The following SLC38A8 variants were observed in gnomAD, a reference collection of about 807,000 sequenced individuals.
The protein encoded by SLC38A8 is solute carrier family 38 member 8.
SLC38A8 carries 65 observed loss-of-function variants against 46.0 expected under a neutral mutation model. The observed-to-expected ratio is 1.41, with a 90% CI of 1.16 to 1.74. SLC38A8 has a LOEUF of 1.74. Among genes scored for constraint, SLC38A8 ranks in the 40% most tolerant of loss-of-function variants. The pLI is 0.00. For missense variants in SLC38A8, 998 were observed against 567.9 expected, an observed-to-expected ratio of 1.76 and a Z score of -7.70; for synonymous variants, 447 against 243.7, an observed-to-expected ratio of 1.83 and a Z score of -7.77.
intron 9 of SLC38A8, among the ~76,000 whole-genome samples, chr16:84,014,751 G>A (rs1344108384): frequency 6.6e-6 from 1 of 152,200 alleles, no homozygotes; most frequent in Non-Finnish European, 1.5e-5. Flanking sequence ...ATTCTCAAGG[G>A]ACTACATCAA....
In SLC38A8 at chr16:84,017,266, A is replaced by T; in HGVS notation, c.827T>A (p.Phe276Tyr). 1 of 1,614,128 alleles carries T rather than the reference A, an allele frequency of 6.2e-7. No homozygotes were observed. Among genetic ancestry groups the T allele is most frequent in the Non-Finnish European group, 8.5e-7 (1 of 1,180,024 alleles). ...SLTGVYGFLT[F>Y]GTEVSADVLM... Reference sequence around the variant, plus strand: ...GACGTCAGCAGAAACTTCTGTCCCAAAAGTCAGGAAGCCATAAACCCCTGA... The same window carrying T: ...GACGTCAGCAGAAACTTCTGTCCCATAAGTCAGGAAGCCATAAACCCCTGA... Residue 276 changes from phenylalanine (F) to tyrosine (Y), a missense_variant, in exon 8 of 11, where the codon TTT becomes TAT. Phe to Tyr is a conservative substitution (Grantham distance 22). Coordinates refer to ENST00000299709, the MANE Select transcript of SLC38A8 (RefSeq NM_001080442.3).
intron 9 of SLC38A8, among the ~76,000 whole-genome samples, chr16:84,015,400 G>T (rs562993040): frequency 2.0e-5 from 3 of 152,220 alleles, no homozygotes; most frequent in Admixed American, 6.5e-5. Flanking sequence ...TGCCTCCAGG[G>T]CCTGGAGGCA....
intron 6 of SLC38A8, among the ~76,000 whole-genome samples, chr16:84,026,783 G>A (rs971892424): frequency 1.5e-4 from 23 of 152,320 alleles, no homozygotes; most frequent in Admixed American, 5.2e-4. Context: ...GGGGAGGGAA[G>A]CCTGTCTTAA....
rs2151124896 is a variant in SLC38A8, at chr16:84,031,877, GA to G, written c.621del (p.Pro208LeufsTer3). The G allele has an allele frequency of 1.2e-6, 2 of 1,614,026 alleles. No individual in the cohort carries two copies. The highest frequency in any genetic ancestry group is 4.5e-5 in the East Asian group (2 of 44,886). The stretch of plus-strand genomic sequence containing the variant: ...TTCCCTCAGACTTACCTCAGTGAAG[GA>G]TGGGACTCACGCACGAGGCCCTGGG... Reference protein sequence around the residue: ...LWPQGLVRESHPSLSPASWTS... With the variant: ...LWPQGLVRESXPSLSPASWTS... On this transcript the variant is annotated frameshift_variant, in exon 5 of 11. Transcript: ENST00000299709. LOFTEE classifies it high-confidence loss of function.
intron 6 of SLC38A8, among the ~76,000 whole-genome samples, chr16:84,023,600 A>G (rs887181514): frequency 5.9e-5 from 9 of 152,334 alleles, no homozygotes; most frequent in Admixed American, 4.6e-4. Context: ...ACACCACAGG[A>G]AGCCACATAG....
intron 6 of SLC38A8, among the ~76,000 whole-genome samples, chr16:84,028,157 G>T (rs932466259): frequency 6.6e-6 from 1 of 151,934 alleles, no homozygotes; most frequent in Non-Finnish European, 1.5e-5. Flanking sequence ...CTACAAAGCT[G>T]AGATCCGGTG....
chr16:84,024,572 G>C (rs956568992), intron 6 of SLC38A8, among the ~76,000 whole-genome samples: 3 of 151,968 alleles, frequency 2.0e-5, no homozygotes, highest in Non-Finnish European at 2.9e-5. Context: ...CCTGAGGTCT[G>C]GAGTTCGAGA....
In SLC38A8 at chr16:84,032,007, A is replaced by G. The variant is rs1427317812; in HGVS notation, c.531-39T>C. 1.9e-6 allele frequency: 3 copies of G among 1,562,412 alleles called. No homozygotes were observed. In the South Asian group the frequency reaches 3.3e-5, roughly 17 times the overall value. ...CGTGTGAGGGGCTGCGCAGTGGGTGACATGTGCGGTTGATGCACGGGGACA... is the reference window on the plus strand; with the variant it reads ...CGTGTGAGGGGCTGCGCAGTGGGTGGCATGTGCGGTTGATGCACGGGGACA... On this transcript the variant is annotated intron_variant, in intron 4 of 10. Coordinates refer to ENST00000299709, the MANE Select transcript of SLC38A8 (RefSeq NM_001080442.3).
At chr16:84,029,819 G>A (rs562306795) in intron 5 of SLC38A8, among the ~76,000 whole-genome samples, 5 of 152,302 alleles carry the variant, frequency 3.3e-5, no homozygotes, top group Middle Eastern at 3.4e-3. Flanking sequence ...ACCGCAGTAG[G>A]AACTCCCAAC....
chr16:84,039,027 C>A (rs2085335866), intron 2 of SLC38A8, among the ~76,000 whole-genome samples: 1 of 152,136 alleles, frequency 6.6e-6, no homozygotes, highest in Admixed American at 6.5e-5. Flanking sequence ...CATTAAGGAT[C>A]TTGAGGTGAG....
Position 84,041,706 on chromosome 16 carries a change from C to G in SLC38A8, c.189+263G>C, listed in dbSNP as rs184322704. On this transcript the variant is annotated intron_variant, in intron 2 of 10. Transcript: ENST00000299709. ...GGTTCCTTCCCAGGTGAAATGCCCACTTCACAGACAGAGCTGCGATGCCTG... is the reference window on the plus strand; with the variant it reads ...GGTTCCTTCCCAGGTGAAATGCCCAGTTCACAGACAGAGCTGCGATGCCTG... 3.5e-3 allele frequency among the ~76,000 whole-genome samples: 532 copies of G among 152,322 alleles called. 2 individuals are homozygous for G. Among genetic ancestry groups the G allele is most frequent in the African/African-American group, 0.012 (489 of 41,556 alleles).
Position 84,033,349 on chromosome 16 carries a change from A to T in SLC38A8, c.509T>A (p.Ile170Asn). 4 of 1,613,892 alleles carry T rather than the reference A, an allele frequency of 2.5e-6. No individual in the cohort carries two copies. The highest frequency in any genetic ancestry group is 3.4e-6 in the Non-Finnish European group (4 of 1,180,002). The change falls in exon 4 of 11, where the codon ATC becomes AAC. Residue 170 changes from isoleucine to asparagine, a missense_variant. Coordinates refer to ENST00000299709, the MANE Select transcript of SLC38A8 (RefSeq NM_001080442.3). ...TTACCTTGTGTATTTCTGGAAGGCG[A>T]TCTCCCGCGGGGCAGACAGGGGCAG... ...VILPLSAPRE[I>N]AFQKYTSILG...
Position 84,016,610 on chromosome 16 carries a change from CACGGTG to C in SLC38A8, c.1065_1070del (p.Val357_Thr358del). 2 of 1,613,978 alleles carry C rather than the reference CACGGTG, an allele frequency of 1.2e-6. No individual in the cohort carries two copies. Among genetic ancestry groups the C allele is most frequent in the Non-Finnish European group, 1.7e-6 (2 of 1,180,038 alleles). On this transcript the variant is annotated inframe_deletion, in exon 9 of 11. Transcript: ENST00000299709. Reference sequence around the variant, plus strand: ...GCATAAACAGCGCCATGGCGAGCGTCACGGTGACCCACAGGATGGTCAGCGGCATCC... The same window carrying C: ...GCATAAACAGCGCCATGGCGAGCGTCACCCACAGGATGGTCAGCGGCATCC...
intron 2 of SLC38A8, among the ~76,000 whole-genome samples, chr16:84,038,121 G>A (rs1441358804): frequency 6.6e-6 from 1 of 151,994 alleles, no homozygotes; most frequent in African/African-American, 2.4e-5. Context: ...GACCAGCCTG[G>A]CCAACATGAT....
chr16:84,011,911 G>A (rs562029917), intron 10 of SLC38A8, among the ~76,000 whole-genome samples: 3 of 152,186 alleles, frequency 2.0e-5, no homozygotes, highest in East Asian at 1.9e-4. Flanking sequence ...AAAGCAGAGG[G>A]ATTTCTGAGA....
intron 6 of SLC38A8, among the ~76,000 whole-genome samples, chr16:84,024,242 C>A (rs1209302566): frequency 6.6e-6 from 1 of 152,190 alleles, no homozygotes; most frequent in Non-Finnish European, 1.5e-5. Context: ...GTGCTACTGA[C>A]CAGAAAAGGT....
At position 84,009,836 on chromosome 16, in the gene SLC38A8, C is replaced by T. The variant is rs2084934040; in HGVS notation, c.1256G>A (p.Gly419Asp). Residue 419 changes from glycine to aspartate, a missense_variant, in exon 11 of 11, where the codon GGC (glycine) becomes GAC (aspartate). Gly to Asp is a moderately conservative substitution (Grantham distance 94). Coordinates refer to ENST00000299709, the MANE Select transcript of SLC38A8 (RefSeq NM_001080442.3). Reference sequence around the variant, plus strand: ...CGTGCTCTGCCCAAAGATGAAGGTGCCGACCAGCACAGAGACCACTCCCCA... The same window carrying T: ...CGTGCTCTGCCCAAAGATGAAGGTGTCGACCAGCACAGAGACCACTCCCCA... ...EVWGVVSVLV[G>D]TFIFGQSTAA... 1.2e-5 allele frequency: 19 copies of T among 1,614,058 alleles called. No homozygotes were observed. Among genetic ancestry groups the T allele is most frequent in the Non-Finnish European group, 1.6e-5 (19 of 1,179,998 alleles).
chr16:84,029,235 G>T (rs1233698907), intron 6 of SLC38A8, among the ~76,000 whole-genome samples: 1 of 152,152 alleles, frequency 6.6e-6, no homozygotes, highest in African/African-American at 2.4e-5. Context: ...AAAAAACATG[G>T]TGCTGCTTTT....
At chr16:84,025,762 T>C (rs2085156574) in intron 6 of SLC38A8, among the ~76,000 whole-genome samples, 2 of 152,190 alleles carry the variant, frequency 1.3e-5, no homozygotes, top group African/African-American at 4.8e-5. Flanking sequence ...ATTCTGGAAA[T>C]ATAGGAGGGC....
Sources: allele counts gnomAD v4.1 joint callset (sites outside exome capture counted in the v4.1 genomes callset), GRCh38; gene constraint gnomAD v4.1.1; transcripts MANE v1.5; gene names NCBI Gene and HGNC (gene_info 2026-07-23, HGNC 2026-07-21).